The following PLK5 variants were observed in gnomAD, a reference collection of about 807,000 sequenced individuals.
The protein encoded by PLK5 is polo like kinase 5 (inactive), also known as inactive serine/threonine-protein kinase PLK5.
PLK5 carries 28 observed loss-of-function variants against 33.7 expected under a neutral mutation model. The observed-to-expected ratio is 0.83, with a 90% CI of 0.62 to 1.14. The LOEUF (loss-of-function observed/expected upper bound fraction) is 1.14. PLK5 is among the 50% of genes most tolerant of loss of function. The pLI is 0.00. For missense variants in PLK5, 492 were observed against 461.5 expected, an observed-to-expected ratio of 1.07 and a Z score of -0.61; for synonymous variants, 225 against 202.2, an observed-to-expected ratio of 1.11 and a Z score of -0.96.
At chr19:1,532,344 G>A (rs1913955134) in intron 12 of PLK5, among the ~76,000 whole-genome samples, 1 of 151,994 alleles carries the variant, frequency 6.6e-6, no homozygotes, top group Non-Finnish European at 1.5e-5. Flanking sequence ...TTTGAGATCA[G>A]CCTTGGCCTC....
intron 8 of PLK5, 58 bp downstream of exon 8, chr19:1,528,486 A>T (rs1403326807): frequency 1.7e-6 from 2 of 1,192,062 alleles, no homozygotes; most frequent in African/African-American, 6.0e-5. Context: ...CCACCTGCCC[A>T]CACCTCCCAC....
chr19:1,533,646 G>T, intron 12 of PLK5: 1 of 547,846 alleles, frequency 1.8e-6, no homozygotes, highest in Non-Finnish European at 3.3e-6. Flanking sequence ...ACCATTCCAG[G>T]GGGTGTAGGT....
chr19:1,529,070 C>CAGAAGGGG, intron 9 of PLK5, 96 bp downstream of exon 9: 2 of 1,111,294 alleles, frequency 1.8e-6, no homozygotes, highest in Non-Finnish European at 2.5e-6. Flanking sequence ...CTCTGAACCC[C>CAGAAGGGG]TTCTGGGGTC....
At chr19:1,532,670 C>G (rs569133667) in intron 12 of PLK5, among the ~76,000 whole-genome samples, 92 of 152,090 alleles carry the variant, frequency 6.0e-4, no homozygotes, top group Non-Finnish European at 1.1e-3. Context: ...TTACAGGTGC[C>G]CGCCACCACT....
intron 13 of PLK5, 120 bp from the exon 14 acceptor site, chr19:1,534,945 G>T: frequency 1.1e-6 from 1 of 928,486 alleles, no homozygotes; most frequent in Non-Finnish European, 1.5e-6. Context: ...GCTGGGGCAG[G>T]CACTAGGGGC....
chr19:1,530,886 A>C (rs529126794), intron 11 of PLK5, among the ~76,000 whole-genome samples: 3 of 151,450 alleles, frequency 2.0e-5, no homozygotes, highest in African/African-American at 7.3e-5. Flanking sequence ...CCAAAGTGCT[A>C]GGATTACAGG....
rs1157113650 is a variant in PLK5 at position 1,528,081 on chromosome 19, C to T, written c.148C>T (p.Pro50Ser). ...RLIVHLLAPN[P>S]AERPSLDHLL... is the part of the protein sequence containing the mutation. The stretch of plus-strand genomic sequence containing the variant: ...CATCGTGCACCTCCTAGCACCCAAC[C>T]CGGCCGAGCGGCCCAGCCTGGACCA... Residue 50 changes from proline (P) to serine (S), a missense_variant, in exon 7 of 14, where the codon CCG becomes TCG. By Grantham distance (74) the Pro-to-Ser change is moderately conservative (BLOSUM62 -1). Coordinates refer to ENST00000454744, the MANE Select transcript of PLK5 (RefSeq NM_001243079.2). 6.5e-7 allele frequency: 1 copy of T among 1,536,048 alleles called. No homozygotes were observed. The highest frequency in any genetic ancestry group is 2.4e-5 in the East Asian group (1 of 40,920).
At chr19:1,532,640 A>G (rs1373748970) in intron 12 of PLK5, among the ~76,000 whole-genome samples, 2 of 149,518 alleles carry the variant, frequency 1.3e-5, no homozygotes, top group Non-Finnish European at 3.0e-5. Flanking sequence ...CTCCTGCCTC[A>G]GCCTCCTAAG....
At chr19:1,532,734 C>T (rs375877380) in intron 12 of PLK5, among the ~76,000 whole-genome samples, 3 of 151,718 alleles carry the variant, frequency 2.0e-5, no homozygotes, top group Admixed American at 1.3e-4. Context: ...GTTGGCCAGG[C>T]GGGTCTCGAA....
chr19:1,533,723 G>A (rs1243733519), intron 12 of PLK5: 1 of 600,616 alleles, frequency 1.7e-6, no homozygotes, highest in Non-Finnish European at 3.0e-6. Flanking sequence ...CCCCAGCCAA[G>A]TGTGCTACAT....
Position 1,524,757 on chromosome 19 carries a change from G to A in PLK5, c.-544+511G>A, listed in dbSNP as rs1913688621. 6.6e-6 allele frequency among the ~76,000 whole-genome samples: 1 copy of A among 150,584 alleles called. No homozygotes were observed. The highest frequency in any genetic ancestry group is 2.5e-5 in the African/African-American group (1 of 40,000). On this transcript the variant is annotated intron_variant, in intron 1 of 13. Coordinates refer to ENST00000454744, the MANE Select transcript of PLK5 (RefSeq NM_001243079.2). The surrounding 1 kb of genome is among the most constrained non-coding windows in gnomAD (Gnocchi z 4.5). ...TGCTTGTGTGTTTGTGTGTTCATAT[G>A]TGGTGTGTCTAGGAGTTGTGTGTTC...
chr19:1,531,921 C>T (rs1913943756), intron 12 of PLK5, 38 bp downstream of exon 12: 2 of 1,422,044 alleles, frequency 1.4e-6, no homozygotes, highest in Non-Finnish European at 1.8e-6. Context: ...GGACCAGGCA[C>T]TCCCCCTGCC....
chr19:1,526,857 C>A, intron 5 of PLK5, 46 bp from the exon 6 acceptor site: 1 of 1,084,364 alleles, frequency 9.2e-7, no homozygotes, highest in Non-Finnish European at 1.4e-6. Context: ...TGAAGTCTGG[C>A]ACGGGGATCC....
chr19:1,529,055 G>A (rs537633959), intron 9 of PLK5, 81 bp downstream of exon 9: 26 of 1,274,682 alleles, frequency 2.0e-5, no homozygotes, highest in Admixed American at 8.5e-5. Flanking sequence ...CCCCCATGCC[G>A]GCTTCTCTGA....
chr19:1,533,973 C>A lies in PLK5; in HGVS notation c.757C>A (p.Leu253Ile), dbSNP rs11084897. The change falls in exon 13 of 14, where the codon CTC becomes ATC. Residue 253 changes from leucine (L) to isoleucine (I), a missense_variant. By Grantham distance (5) the Leu-to-Ile change is conservative (BLOSUM62 2). Transcript: ENST00000454744. Reference sequence around the variant, plus strand: ...ACCTGTGCCACCTGCTGGACCCGGCCTCTGCCTCCTGCGCTTCCTGGCCTC... The same window carrying A: ...ACCTGTGCCACCTGCTGGACCCGGCATCTGCCTCCTGCGCTTCCTGGCCTC... ...PTPVPPAGPG[L>I]CLLRFLASEH... The A allele has an allele frequency of 2.0e-6, 3 of 1,534,884 alleles. No homozygotes were observed. Among genetic ancestry groups the A allele is most frequent in the East Asian group, 4.9e-5 (2 of 40,860 alleles).
In PLK5 at chr19:1,524,305, G is replaced by A. The variant is rs1304198701; in HGVS notation, c.-544+59G>A. ...CCGGACCGGGCTGGGCTGGGGTCCC[G>A]GGGCGCGCGGGCGATCCTGCGCGGT... On this transcript the variant is annotated intron_variant, in intron 1 of 13. Coordinates refer to ENST00000454744, the MANE Select transcript of PLK5 (RefSeq NM_001243079.2). This position sits in a 1 kb window ranked among gnomAD's most constrained non-coding sequence, Gnocchi z 4.5. 1 of 151,282 alleles carries A rather than the reference G, an allele frequency of 6.6e-6. No individual in the cohort carries two copies. 9.4% of individuals were successfully genotyped at this position (151,282 alleles called of 1,614,324 possible).
rs12971308 is a variant in PLK5, at chr19:1,535,197, C to T, written c.958C>T (p.Pro320Ser). The change falls in exon 14 of 14, where the codon CCC (proline) becomes TCC (serine). Residue 320 changes from proline (P) to serine (S), a missense_variant. Transcript: ENST00000454744. ...CGTCCCGCGGAGCCACGGCTGCGCCCCCACCACCGGACAGCACCTTCACCA... is the reference window on the plus strand; with the variant it reads ...CGTCCCGCGGAGCCACGGCTGCGCCTCCACCACCGGACAGCACCTTCACCA... ...LDVPRSHGCA[P>S]TTGQHLHHAL... The T allele has an allele frequency of 1.1e-6, 1 of 908,652 alleles. No homozygotes were observed. Among genetic ancestry groups the T allele is most frequent in the Non-Finnish European group, 1.3e-6 (1 of 750,464 alleles). 56.3% of individuals were successfully genotyped at this position (908,652 alleles called of 1,614,324 possible).
In PLK5 at chr19:1,526,792, G is replaced by C. The variant is rs1913753697; in HGVS notation, c.-95+1G>C. The C allele has an allele frequency of 1.6e-6, 1 of 635,840 alleles. No individual in the cohort carries two copies. The highest frequency in any genetic ancestry group is 2.7e-6 in the Non-Finnish European group (1 of 364,268). 39.4% of individuals were successfully genotyped at this position (635,840 alleles called of 1,614,324 possible). A position where few individuals can be genotyped will look rare whatever the true frequency, so the allele number is the denominator to read the frequency against. On this transcript the variant is annotated splice_donor_variant, in intron 5 of 13. Transcript: ENST00000454744. LOFTEE classifies it low-confidence loss of function (5UTR_SPLICE). Reference sequence around the variant, plus strand: ...TGGGGCCAGGGGGCCGCTGCCACAGGTGAGAGCCGGGGGGAGGGCTCTGAG... The same window carrying C: ...TGGGGCCAGGGGGCCGCTGCCACAGCTGAGAGCCGGGGGGAGGGCTCTGAG...
At chr19:1,527,610 A>C (rs1352562549) in intron 6 of PLK5, among the ~76,000 whole-genome samples, 2 of 151,922 alleles carry the variant, frequency 1.3e-5, no homozygotes, top group African/African-American at 2.4e-5. Context: ...TTTAAAAAAA[A>C]AAAATAGAAG....
Sources: gnomAD v4.1 joint callset for allele counts (sites outside exome capture counted in the v4.1 genomes callset) on GRCh38, gnomAD v4.1.1 for gene constraint, Gnocchi (gnomAD v3.1) non-coding constraint, MANE v1.5 for transcripts, NCBI Gene and HGNC (gene_info 2026-07-23, HGNC 2026-07-21) for gene names.